The following CNTN5 variants were observed in gnomAD, a reference collection of about 807,000 sequenced individuals.
CNTN5 encodes the protein contactin 5.
CNTN5 carries 77 observed loss-of-function variants against 129.1 expected under a neutral mutation model. The observed-to-expected ratio is 0.60, with a 90% CI of 0.50 to 0.72. The LOEUF is 0.72. Among genes scored for constraint, CNTN5 ranks in the 30% least tolerant of loss-of-function variants. The probability of loss-of-function intolerance (pLI) is 0.00; values close to 1 mark genes in which losing one functional copy is unlikely to be tolerated. For synonymous variants in CNTN5, 509 were observed against 465.6 expected, an observed-to-expected ratio of 1.09 and a Z score of -1.20; for missense variants, 1,478 against 1,328.8, an observed-to-expected ratio of 1.11 and a Z score of -1.75.
chr11:99,072,935 A>T (rs1865397410), intron 1 of CNTN5, among the ~76,000 whole-genome samples: 1 of 152,082 alleles, frequency 6.6e-6, no homozygotes, highest in African/African-American at 2.4e-5. Context: ...CTATCACTCT[A>T]TATTAGTTTT....
chr11:99,968,176 T>C (rs1206920154), intron 8 of CNTN5, among the ~76,000 whole-genome samples: 1 of 152,208 alleles, frequency 6.6e-6, no homozygotes, highest in African/African-American at 2.4e-5. Context: ...CATCCGTCTC[T>C]GGAGTTAGAT....
intron 3 of CNTN5, 86 bp from the exon 4 acceptor site, chr11:99,819,458 A>T: frequency 8.6e-7 from 1 of 1,167,268 alleles, no homozygotes; most frequent in Non-Finnish European, 1.2e-6. Context: ...GGTTTTTAGT[A>T]ATGTCTTCAA....
chr11:99,557,839 T>A (rs996718671), intron 3 of CNTN5, among the ~76,000 whole-genome samples: 8 of 151,762 alleles, frequency 5.3e-5, no homozygotes, highest in Admixed American at 4.6e-4. Context: ...AGTTGTTATG[T>A]GTTGAATGTA....
chr11:100,167,832 G>A (rs976619767), intron 13 of CNTN5, among the ~76,000 whole-genome samples: 1 of 151,954 alleles, frequency 6.6e-6, no homozygotes, highest in Non-Finnish European at 1.5e-5. Flanking sequence ...TGCCAAGACA[G>A]GCCAAAAGCT....
intron 2 of CNTN5, among the ~76,000 whole-genome samples, chr11:99,496,904 G>C (rs1446954247): frequency 6.6e-6 from 1 of 152,180 alleles, no homozygotes; most frequent in Non-Finnish European, 1.5e-5. Flanking sequence ...GAAAAATAGA[G>C]AGAAGCAAAA....
At chr11:100,014,006 A>C (rs953912972) in intron 9 of CNTN5, among the ~76,000 whole-genome samples, 2 of 152,168 alleles carry the variant, frequency 1.3e-5, no homozygotes, top group Non-Finnish European at 2.9e-5. Context: ...CTAAGAGAAC[A>C]ACAAACTTCT....
rs1490053906 is a variant in CNTN5, at chr11:99,607,083, C to A, written c.55+50814C>A. On this transcript the variant is annotated intron_variant, in intron 3 of 24. Transcript: ENST00000524871. ...ACACCAAAAGCAATGGCAACAAAAG[C>A]CAAAATTGACAAATGGGATCTAATG... 1.8e-3 allele frequency among the ~76,000 whole-genome samples: 222 copies of A among 123,210 alleles called. 1 individual carries two copies. The highest frequency in any genetic ancestry group is 6.3e-3 in the African/African-American group (201 of 31,794). The allele number at this position is 123,210 out of a possible 152,430, so 80.8% of individuals were successfully genotyped here. A position where few individuals can be genotyped will look rare whatever the true frequency, so the allele number is the denominator to read the frequency against.
intron 7 of CNTN5, among the ~76,000 whole-genome samples, chr11:99,929,083 C>T (rs2219076): frequency 0.026 from 3,906 of 152,280 alleles, 127 homozygotes; most frequent in African/African-American, 0.078. Context: ...CAAAATGCTG[C>T]CAGTCTCTTT....
chr11:100,321,597 T>C (rs1186125975), intron 21 of CNTN5, among the ~76,000 whole-genome samples: 1 of 152,176 alleles, frequency 6.6e-6, no homozygotes, highest in African/African-American at 2.4e-5. Context: ...TGAAGAGAAG[T>C]GGCAAGAGTA....
intron 2 of CNTN5, among the ~76,000 whole-genome samples, chr11:99,354,448 A>T (rs953185624): frequency 2.0e-5 from 3 of 152,182 alleles, no homozygotes; most frequent in African/African-American, 7.2e-5. Context: ...GAAACTGGAG[A>T]TTGCTATAAG....
intron 3 of CNTN5, among the ~76,000 whole-genome samples, chr11:99,595,978 C>G (rs142142658): frequency 6.6e-6 from 1 of 152,084 alleles, no homozygotes; most frequent in Non-Finnish European, 1.5e-5. Context: ...ACCCAATCTA[C>G]AGACTCCGAA....
At chr11:100,078,873 T>C (rs1292746860) in intron 13 of CNTN5, among the ~76,000 whole-genome samples, 1 of 152,094 alleles carries the variant, frequency 6.6e-6, no homozygotes, top group Non-Finnish European at 1.5e-5. Flanking sequence ...TTCCTACTCC[T>C]ATAAAGTACT....
chr11:99,789,448 A>G (rs1183445894), intron 3 of CNTN5, among the ~76,000 whole-genome samples: 3 of 151,996 alleles, frequency 2.0e-5, no homozygotes, highest in Admixed American at 6.6e-5. Flanking sequence ...TTCATGTTAT[A>G]ATGGAAATTA....
At chr11:99,905,255 G>A (rs1191762277) in intron 6 of CNTN5, among the ~76,000 whole-genome samples, 3 of 152,140 alleles carry the variant, frequency 2.0e-5, no homozygotes, top group Non-Finnish European at 4.4e-5. Context: ...TTTTCTTCAA[G>A]GGTTTTTGTG....
intron 8 of CNTN5, among the ~76,000 whole-genome samples, chr11:99,976,381 A>T (rs1937974814): frequency 6.6e-6 from 1 of 152,204 alleles, no homozygotes; most frequent in African/African-American, 2.4e-5. Flanking sequence ...GCAGCATCCC[A>T]GTGGGGACTC....
At chr11:100,273,981 G>A (rs1046548558) in intron 18 of CNTN5, among the ~76,000 whole-genome samples, 9 of 152,222 alleles carry the variant, frequency 5.9e-5, no homozygotes, top group East Asian at 1.9e-4. Context: ...ATACTACAGC[G>A]CTACAGTAAC....
At chr11:99,583,701 T>C (rs549926098) in intron 3 of CNTN5, among the ~76,000 whole-genome samples, 26 of 152,310 alleles carry the variant, frequency 1.7e-4, no homozygotes, top group Non-Finnish European at 3.4e-4. Context: ...GGGAGTGACC[T>C]GATTTTCCAG....
chr11:99,855,314 GCAAA>G (rs1261918074), intron 6 of CNTN5, among the ~76,000 whole-genome samples: 1 of 151,990 alleles, frequency 6.6e-6, no homozygotes, highest in African/African-American at 2.4e-5. Flanking sequence ...AAAAACAAAA[GCAAA>G]CAAACAACAA....
At chr11:99,508,478 AGTGC>A (rs1160721331) in intron 2 of CNTN5, among the ~76,000 whole-genome samples, 2 of 152,098 alleles carry the variant, frequency 1.3e-5, no homozygotes, top group African/African-American at 4.8e-5. Context: ...ACACATACTG[AGTGC>A]TGGCTGTACT....
Sources: gnomAD v4.1 joint callset for allele counts (sites outside exome capture counted in the v4.1 genomes callset) on GRCh38, gnomAD v4.1.1 for gene constraint, MANE v1.5 for transcripts, NCBI Gene and HGNC (gene_info 2026-07-23, HGNC 2026-07-21) for gene names.